The following CLEC19A variants were observed in gnomAD, a reference collection of about 807,000 sequenced individuals.
CLEC19A encodes C-type lectin domain family 19 member A.
CLEC19A carries 21 observed loss-of-function variants against 26.1 expected under a neutral mutation model. That is an observed-to-expected ratio of 0.80 (90% CI 0.57 to 1.16). The LOEUF is 1.16. CLEC19A is among the 50% of genes most tolerant of loss of function. The pLI is 0.00. For missense variants in CLEC19A, 224 were observed against 227.6 expected, an observed-to-expected ratio of 0.98 and a Z score of 0.10; for synonymous variants, 89 against 88.6, an observed-to-expected ratio of 1.00 and a Z score of -0.03.
intron 1 of CLEC19A, among the ~76,000 whole-genome samples, chr16:19,291,919 A>C (rs559086531): frequency 3.4e-4 from 52 of 152,260 alleles, no homozygotes; most frequent in Admixed American, 1.8e-3. Flanking sequence ...ATAACCACCA[A>C]ATTACTCAGT....
intron 4 of CLEC19A, 71 bp from the exon 5 acceptor site, chr16:19,308,933 A>G: frequency 2.4e-6 from 3 of 1,247,284 alleles, no homozygotes; most frequent in Non-Finnish European, 3.4e-6. Context: ...TTTACTTCAG[A>G]GGAGTGGTGG....
intron 1 of CLEC19A, among the ~76,000 whole-genome samples, chr16:19,289,199 T>C (rs1897531406): frequency 6.6e-6 from 1 of 152,192 alleles, no homozygotes; most frequent in African/African-American, 2.4e-5. Flanking sequence ...GATCCTAAAG[T>C]GTCCCTTGGA....
At chr16:19,304,006 C>G (rs1295982211) in intron 2 of CLEC19A, 56 bp from the exon 3 acceptor site, 1 of 1,403,906 alleles carries the variant, frequency 7.1e-7, no homozygotes, top group Admixed American at 2.1e-5. Context: ...ATTTTTGACT[C>G]CATCCTATGA....
At chr16:19,304,599 G>C (rs1897911300) in intron 3 of CLEC19A, among the ~76,000 whole-genome samples, 1 of 152,038 alleles carries the variant, frequency 6.6e-6, no homozygotes, top group Non-Finnish European at 1.5e-5. Flanking sequence ...TACTCAGGAG[G>C]CTGAGGCAGG....
At chr16:19,288,685 T>C (rs146257954) in intron 1 of CLEC19A, among the ~76,000 whole-genome samples, 5 of 152,222 alleles carry the variant, frequency 3.3e-5, no homozygotes, top group African/African-American at 9.6e-5. Flanking sequence ...GATTAATGAA[T>C]GTAAAGTCCT....
chr16:19,287,387 A>G (rs1010889395), intron 1 of CLEC19A, among the ~76,000 whole-genome samples: 1 of 151,912 alleles, frequency 6.6e-6, no homozygotes, highest in African/African-American at 2.4e-5. Context: ...TCTAAATCTA[A>G]TCACTTCCCA....
Position 19,297,299 on chromosome 16 carries a change from G to A in CLEC19A, c.89-1374G>A, listed in dbSNP as rs538427126. On this transcript the variant is annotated intron_variant, in intron 1 of 4. Transcript: ENST00000636231. ...ATGTGCAGTCTTGCCAGATAGTCCA[G>A]CATTGCAAATTGAAACAAGATACCC... is the stretch of plus-strand genomic sequence containing the variant. Among the ~76,000 whole-genome samples the A allele has an allele frequency of 5.9e-5, 9 of 152,300 alleles. No individual in the cohort carries two copies. The South Asian group carries it at 1.9e-3, about 32-fold the overall frequency.
intron 1 of CLEC19A, among the ~76,000 whole-genome samples, chr16:19,297,805 A>G (rs1213769490): frequency 6.6e-6 from 1 of 152,196 alleles, no homozygotes; most frequent in African/African-American, 2.4e-5. Context: ...AAAAAAATGT[A>G]TCAAAGCATT....
At chr16:19,291,298 A>G (rs1025590543) in intron 1 of CLEC19A, among the ~76,000 whole-genome samples, 2 of 152,230 alleles carry the variant, frequency 1.3e-5, no homozygotes, top group African/African-American at 4.8e-5. Flanking sequence ...GGATAAAGGA[A>G]TTAATGAAGG....
At chr16:19,286,378 A>G (rs1172998260) in intron 1 of CLEC19A, among the ~76,000 whole-genome samples, 1 of 152,194 alleles carries the variant, frequency 6.6e-6, no homozygotes, top group Admixed American at 6.5e-5. Context: ...CAGCCTTCCC[A>G]GGGAGCTTTC....
chr16:19,308,571 C>T, intron 4 of CLEC19A, among the ~76,000 whole-genome samples: 1 of 152,212 alleles, frequency 6.6e-6, no homozygotes, highest in Non-Finnish European at 1.5e-5. Context: ...AAACGAGGCT[C>T]AGAGAAGTTC....
intron 3 of CLEC19A, among the ~76,000 whole-genome samples, 179 bp from the exon 4 acceptor site, chr16:19,307,366 G>A (rs979634488): frequency 2.0e-5 from 3 of 152,248 alleles, no homozygotes; most frequent in African/African-American, 7.2e-5. Flanking sequence ...AGTAATAGTA[G>A]TAATAATAGC....
chr16:19,298,922 T>C, intron 2 of CLEC19A, 84 bp downstream of exon 2: 1 of 1,374,056 alleles, frequency 7.3e-7, no homozygotes, highest in Non-Finnish European at 9.7e-7. Flanking sequence ...CAACTGGCAT[T>C]TCTCTTTGGT....
At chr16:19,286,249 G>T (rs1026857874) in intron 1 of CLEC19A, among the ~76,000 whole-genome samples, 3 of 152,252 alleles carry the variant, frequency 2.0e-5, no homozygotes, top group Admixed American at 1.3e-4. Context: ...TACTGTGCAA[G>T]GCAGATAAGA....
intron 3 of CLEC19A, among the ~76,000 whole-genome samples, chr16:19,306,553 A>G (rs1184724484): frequency 1.3e-5 from 2 of 152,206 alleles, no homozygotes; most frequent in East Asian, 3.8e-4. Context: ...TTGGATTATA[A>G]TTACATTAAA....
chr16:19,301,747 T>TG lies in CLEC19A; in HGVS notation c.255-2315_255-2314insG, dbSNP rs1441187625. Among the ~76,000 whole-genome samples the TG allele has an allele frequency of 1.3e-3, 152 of 120,012 alleles. 7 individuals are homozygous for TG. The highest frequency in any genetic ancestry group is 5.4e-3 in the African/African-American group (146 of 26,898). 78.7% of individuals were successfully genotyped at this position (120,012 alleles called of 152,430 possible). The stretch of plus-strand genomic sequence containing the variant: ...CCCAGGTTTTTTTGGTTTTTTTTTT[T>TG]TTTTTTTTTTTTTTTTTGTATTTTT... On this transcript the variant is annotated intron_variant, in intron 2 of 4. Transcript: ENST00000636231.
Position 19,307,558 on chromosome 16 carries a change from A to T in CLEC19A, c.362A>T (p.Glu121Val). 1.9e-5 allele frequency: 29 copies of T among 1,548,122 alleles called. No individual in the cohort carries two copies. Among genetic ancestry groups the T allele is most frequent in the Non-Finnish European group, 2.5e-5 (29 of 1,146,772 alleles). The change falls in exon 4 of 5, where the codon GAA (glutamate) becomes GTA (valine). Residue 121 changes from glutamate (E) to valine (V), a missense_variant. Glu to Val is a moderately radical substitution (Grantham distance 121). Coordinates refer to ENST00000636231, the MANE Select transcript of CLEC19A (RefSeq NM_001256720.2). ...LHDHRQEGQF[E>V]WTDGSSYDYS... The stretch of plus-strand genomic sequence containing the variant: ...GAACCCTCCCAGGAAGGGCAGTTTG[A>T]ATGGACTGATGGCTCATCCTATGAC...
rs898539403 is a variant in CLEC19A, at chr16:19,306,090, G to A, written c.349-1455G>A. Among the ~76,000 whole-genome samples the A allele has an allele frequency of 9.9e-5, 15 of 151,590 alleles. No individual in the cohort carries two copies. In the East Asian group the frequency reaches 1.9e-3, roughly 20 times the overall value. ...GATGTCCTGACCTCGTGATCCGCCC[G>A]CCTCAGCCTCCCAAAGTTTTGGGAT... On this transcript the variant is annotated intron_variant, in intron 3 of 4. Transcript: ENST00000636231.
intron 1 of CLEC19A, among the ~76,000 whole-genome samples, chr16:19,292,375 C>T (rs1897608755): frequency 6.6e-6 from 1 of 152,140 alleles, no homozygotes; most frequent in South Asian, 2.1e-4. Flanking sequence ...ATATGCAAAA[C>T]CAGGATCTGG....
Sources: allele counts gnomAD v4.1 joint callset (sites outside exome capture counted in the v4.1 genomes callset), GRCh38; gene constraint gnomAD v4.1.1; transcripts MANE v1.5; gene names NCBI Gene and HGNC (gene_info 2026-07-23, HGNC 2026-07-21).